Variants in VSTM2A observed in about 807,000 individuals in gnomAD.
VSTM2A encodes the protein V-set and transmembrane domain containing 2A, also known as V-set and transmembrane domain-containing protein 2A.
In VSTM2A, 13 loss-of-function variants were observed where a neutral mutation model predicts 27.3. The ratio of observed to expected loss-of-function variants is 0.48; its 90% CI spans 0.31 to 0.76. The LOEUF (loss-of-function observed/expected upper bound fraction) is 0.76, where lower values mean the gene tolerates loss of function less well. Ranked by LOEUF, VSTM2A falls within the 30% of genes least tolerant of loss-of-function variation. The pLI, the probability that VSTM2A is intolerant of heterozygous loss-of-function variation, is 0.05. For synonymous variants in VSTM2A, 142 were observed against 125.7 expected, an observed-to-expected ratio of 1.13 and a Z score of -0.87; for missense variants, 280 against 310.0, an observed-to-expected ratio of 0.90 and a Z score of 0.73.
chr7:54,565,894 A>G (rs1788705611), intron 4 of VSTM2A, among the ~76,000 whole-genome samples: 1 of 152,186 alleles, frequency 6.6e-6, no homozygotes, highest in African/African-American at 2.4e-5. Flanking sequence ...CTCTTGAGAA[A>G]TGCTTGCCTG....
chr7:54,543,218 T>A (rs921979778), intron 1 of VSTM2A, among the ~76,000 whole-genome samples: 3 of 151,928 alleles, frequency 2.0e-5, no homozygotes, highest in African/African-American at 7.3e-5. Context: ...GGGCTTAGAG[T>A]TTCCCTTTTG....
intron 4 of VSTM2A, chr7:54,558,198 C>T (rs1472752151): frequency 6.6e-6 from 1 of 152,082 alleles, no homozygotes; most frequent in East Asian, 1.9e-4. Context: ...AAAAGATTTT[C>T]TGAGTTTTTA....
In VSTM2A at chr7:54,550,183, A is replaced by G; in HGVS notation, c.634+13A>G. 4 of 1,580,594 alleles carry G rather than the reference A, an allele frequency of 2.5e-6. No individual in the cohort carries two copies. The highest frequency in any genetic ancestry group is 2.6e-6 in the Non-Finnish European group (3 of 1,163,608). ...AGTCCACAATCAGGTATGGAAACCC[A>G]TTTCGAGCCTTTTATTTTACCACTC... is the stretch of plus-strand genomic sequence containing the variant. On this transcript the variant is annotated intron_variant, in intron 4 of 4. Coordinates refer to ENST00000402613, the MANE Select transcript of VSTM2A (RefSeq NM_001301009.2).
chr7:54,553,006 G>A (rs1788239496), intron 4 of VSTM2A, among the ~76,000 whole-genome samples: 1 of 152,116 alleles, frequency 6.6e-6, no homozygotes, highest in Non-Finnish European at 1.5e-5. Flanking sequence ...AAACATATTA[G>A]CTGAAAATAA....
At chr7:54,543,025 G>A (rs1787835662) in intron 1 of VSTM2A, among the ~76,000 whole-genome samples, 1 of 152,120 alleles carries the variant, frequency 6.6e-6, no homozygotes, top group East Asian at 1.9e-4. Flanking sequence ...CTGACAATGA[G>A]GTGGGCTCCT....
chr7:54,554,874 A>G (rs1282979968), intron 4 of VSTM2A, among the ~76,000 whole-genome samples: 1 of 152,258 alleles, frequency 6.6e-6, no homozygotes. Context: ...CACGCAGAAC[A>G]GAGACAGATG....
At chr7:54,550,675 A>C (rs1369274079) in intron 4 of VSTM2A, 2 of 158,474 alleles carry the variant, frequency 1.3e-5, no homozygotes, top group Non-Finnish European at 2.8e-5. Flanking sequence ...TGATGATGAT[A>C]ATGGAAGGAT....
intron 4 of VSTM2A, chr7:54,552,275 A>G (rs1047388681): frequency 1.3e-5 from 2 of 152,354 alleles, no homozygotes; most frequent in East Asian, 1.9e-4. Context: ...TTTAATTTCA[A>G]TATTTCCAAC....
chr7:54,565,356 G>A (rs1395729749), intron 4 of VSTM2A, among the ~76,000 whole-genome samples: 2 of 152,194 alleles, frequency 1.3e-5, no homozygotes, highest in Non-Finnish European at 2.9e-5. Context: ...CTGGCACCTA[G>A]CAGGTCCCCA....
intron 3 of VSTM2A, 105 bp downstream of exon 3, chr7:54,547,102 C>A: frequency 7.4e-7 from 1 of 1,351,540 alleles, no homozygotes; most frequent in Non-Finnish European, 9.8e-7. Flanking sequence ...AGCCGGACAG[C>A]CGGGTGCCCC....
chr7:54,566,321 G>A (rs1019051545), intron 4 of VSTM2A, among the ~76,000 whole-genome samples: 7 of 152,164 alleles, frequency 4.6e-5, no homozygotes, highest in African/African-American at 1.2e-4. Flanking sequence ...GAAAACTCTC[G>A]AGTCCTTGTA....
At position 54,569,957 on chromosome 7, in the gene VSTM2A, A is replaced by G. The variant is rs1055477325; in HGVS notation, c.*738A>G. 1 of 152,130 alleles carries G rather than the reference A, an allele frequency of 6.6e-6. No homozygotes were observed. Among genetic ancestry groups the G allele is most frequent in the Admixed American group, 6.5e-5 (1 of 15,274 alleles). 9.4% of individuals were successfully genotyped at this position (152,130 alleles called of 1,614,324 possible). A position where few individuals can be genotyped will look rare whatever the true frequency, so the allele number is the denominator to read the frequency against. ...TTAAGAATATCTGTGTGTTGGGCCA[A>G]TGACCAACTTTTTTTGACGAAGCAT... On this transcript the variant is annotated 3_prime_UTR_variant, in exon 5 of 5. Transcript: ENST00000402613.
At chr7:54,546,906 C>CG in intron 2 of VSTM2A, 41 bp from the exon 3 acceptor site, 1 of 1,593,738 alleles carries the variant, frequency 6.3e-7, no homozygotes, top group South Asian at 1.1e-5. Flanking sequence ...GGTGGTCGGG[C>CG]GGGCCTGGCG....
At chr7:54,560,892 T>C (rs181789652) in intron 4 of VSTM2A, among the ~76,000 whole-genome samples, 23 of 152,322 alleles carry the variant, frequency 1.5e-4, no homozygotes, top group Admixed American at 1.1e-3. Context: ...CACTGTGCAG[T>C]GAAGGGCTCT....
chr7:54,559,612 G>A (rs193010521), intron 4 of VSTM2A: 2 of 152,246 alleles, frequency 1.3e-5, no homozygotes, highest in African/African-American at 4.8e-5. Context: ...TTTAGATTGT[G>A]CAGCCCATAT....
chr7:54,568,114 A>C lies in VSTM2A; in HGVS notation c.635-1017A>C, dbSNP rs1004384062. ...TGACAACACTAAAGTAACCTAGCAGAAATACAGTAATGTGAGTTTACTAAA... is the reference window on the plus strand; with the variant it reads ...TGACAACACTAAAGTAACCTAGCAGCAATACAGTAATGTGAGTTTACTAAA... On this transcript the variant is annotated intron_variant, in intron 4 of 4. Coordinates refer to ENST00000402613, the MANE Select transcript of VSTM2A (RefSeq NM_001301009.2). Among the ~76,000 whole-genome samples the C allele has an allele frequency of 2.6e-5, 4 of 152,228 alleles. No individual in the cohort carries two copies. The South Asian group carries it at 8.3e-4, about 31-fold the overall frequency.
At chr7:54,554,623 A>C (rs1025860758) in intron 4 of VSTM2A, among the ~76,000 whole-genome samples, 1 of 152,174 alleles carries the variant, frequency 6.6e-6, no homozygotes, top group African/African-American at 2.4e-5. Flanking sequence ...AGCTGTGCCA[A>C]TTCTAGACCT....
At chr7:54,565,232 G>C (rs763538791) in intron 4 of VSTM2A, among the ~76,000 whole-genome samples, 2 of 152,202 alleles carry the variant, frequency 1.3e-5, no homozygotes, top group Non-Finnish European at 2.9e-5. Flanking sequence ...CTCCCTGCTA[G>C]GATGAGTTAT....
chr7:54,555,304 A>G (rs574382576), intron 4 of VSTM2A, among the ~76,000 whole-genome samples: 3 of 152,326 alleles, frequency 2.0e-5, no homozygotes, highest in African/African-American at 7.2e-5. Context: ...GCATGTGTGA[A>G]ATGATTATTT....
Sources: allele counts gnomAD v4.1 joint callset (sites outside exome capture counted in the v4.1 genomes callset), GRCh38; gene constraint gnomAD v4.1.1; transcripts MANE v1.5; gene names NCBI Gene and HGNC (gene_info 2026-07-23, HGNC 2026-07-21).